The following PODN variants were observed in gnomAD, a reference collection of about 807,000 sequenced individuals.
PODN encodes the protein podocan, also known as podocan proteoglycan.
A neutral mutation model predicts 52.7 loss-of-function variants in PODN; 40 were observed. That is an observed-to-expected ratio of 0.76 (90% CI 0.59 to 0.99). The LOEUF (loss-of-function observed/expected upper bound fraction) is 0.99, where lower values mean the gene tolerates loss of function less well. PODN is among the 50% of genes least tolerant of loss of function. PODN has a pLI of 0.00. For synonymous variants in PODN, 396 were observed against 377.9 expected (o/e 1.05, Z -0.56); for missense variants, 720 against 815.1 (o/e 0.88, Z 1.42).
At chr1:53,063,160 G>A (rs1048798580) in intron 1 of PODN, among the ~76,000 whole-genome samples, 1 of 152,182 alleles carries the variant, frequency 6.6e-6, no homozygotes, top group Non-Finnish European at 1.5e-5. Context: ...GTGGTGGCGG[G>A]GCTGCGAGGC....
intron 5 of PODN, among the ~76,000 whole-genome samples, chr1:53,076,634 C>T (rs1306980771): frequency 6.6e-6 from 1 of 151,918 alleles, no homozygotes; most frequent in African/African-American, 2.4e-5. Flanking sequence ...TCTGGCATCT[C>T]ATATATATAT....
chr1:53,080,799 C>T lies in PODN; in HGVS notation c.1584C>T (p.Tyr528=), dbSNP rs1557658461. 6.2e-7 allele frequency: 1 copy of T among 1,614,136 alleles called. No individual in the cohort carries two copies. Residue 528 remains tyrosine (Y), a synonymous_variant, in exon 9 of 11, where the codon TAC becomes TAT. Transcript: ENST00000312553. The part of the protein sequence containing the change: ...EGLPESLEYL[Y]LQNNKISAVP... ...TCCCCGAGTCACTTGAGTACCTGTA[C>T]CTGCAGAACAACAAGATTAGTGCGG...
chr1:53,074,564 T>G, intron 3 of PODN, 42 bp from the exon 4 acceptor site: 2 of 1,610,730 alleles, frequency 1.2e-6, no homozygotes, highest in Non-Finnish European at 1.7e-6. Context: ...CCCTGTGGCG[T>G]CTCCTCCATC....
At chr1:53,065,843 A>G (rs1186742667) in intron 1 of PODN, among the ~76,000 whole-genome samples, 2 of 152,118 alleles carry the variant, frequency 1.3e-5, no homozygotes, top group East Asian at 1.9e-4. Context: ...CCTTGCTTGT[A>G]TGACCCTTTC....
intron 10 of PODN, among the ~76,000 whole-genome samples, chr1:53,082,854 T>C (rs1024383173): frequency 1.3e-5 from 2 of 152,238 alleles, no homozygotes; most frequent in Middle Eastern, 3.4e-3. Context: ...ACTATGTACA[T>C]ACGTGCACAC....
At chr1:53,081,173 G>T (rs1644290080) in intron 9 of PODN, among the ~76,000 whole-genome samples, 1 of 152,250 alleles carries the variant, frequency 6.6e-6, no homozygotes, top group Non-Finnish European at 1.5e-5. Flanking sequence ...TGAGAGCACA[G>T]GTGACTGCTG....
At position 53,080,889 on chromosome 1, in the gene PODN, T is replaced by C. The variant is rs757702555; in HGVS notation, c.1661+13T>C. On this transcript the variant is annotated intron_variant, in intron 9 of 10. Coordinates refer to ENST00000312553, the MANE Select transcript of PODN (RefSeq NM_153703.5). ...GGATCTTTCTCAGGTAGGAGCCCACTCGCGGCCCTGTACACACCCCCGTGG... is the reference window on the plus strand; with the variant it reads ...GGATCTTTCTCAGGTAGGAGCCCACCCGCGGCCCTGTACACACCCCCGTGG... The C allele has an allele frequency of 1.9e-6, 3 of 1,613,480 alleles. No homozygotes were observed. The South Asian group carries it at 3.3e-5, about 18-fold the overall frequency.
intron 5 of PODN, among the ~76,000 whole-genome samples, chr1:53,076,684 A>G (rs1644199392): frequency 6.6e-6 from 1 of 150,884 alleles, no homozygotes; most frequent in African/African-American, 2.4e-5. Context: ...ATATATCTCT[A>G]TTTAATATAT....
chr1:53,081,400 G>A (rs947380697), intron 9 of PODN, among the ~76,000 whole-genome samples: 1 of 152,244 alleles, frequency 6.6e-6, no homozygotes, highest in Admixed American at 6.5e-5. Flanking sequence ...AGACAAGGCA[G>A]AGATGAGTGT....
intron 1 of PODN, among the ~76,000 whole-genome samples, chr1:53,067,492 G>A (rs964667192): frequency 6.6e-6 from 1 of 152,118 alleles, no homozygotes; most frequent in African/African-American, 2.4e-5. Flanking sequence ...TCAGAGAACT[G>A]GGTGAACCAC....
chr1:53,071,425 T>G (rs756749244), intron 2 of PODN, 110 bp from the exon 3 acceptor site: 229 of 910,650 alleles, frequency 2.5e-4, no homozygotes, highest in Non-Finnish European at 3.5e-4. Context: ...CCAAGGGAGG[T>G]GCCCAGCAGG....
Position 53,074,214 on chromosome 1 carries a change from C to A in PODN, c.407-392C>A, listed in dbSNP as rs536636933. On this transcript the variant is annotated intron_variant, in intron 3 of 10. Transcript: ENST00000312553. Reference sequence around the variant, plus strand: ...GAGGAGGCCCAGAGCCGCAGCCCCACCCTGTGTGGAGCCATTCCTGGCCCG... The same window carrying A: ...GAGGAGGCCCAGAGCCGCAGCCCCAACCTGTGTGGAGCCATTCCTGGCCCG... 2.6e-5 allele frequency among the ~76,000 whole-genome samples: 4 copies of A among 152,330 alleles called. No individual in the cohort carries two copies. In the East Asian group the frequency reaches 7.7e-4, roughly 29 times the overall value.
chr1:53,071,728 C>G (rs1644121640), intron 3 of PODN, 100 bp downstream of exon 3: 1 of 1,200,238 alleles, frequency 8.3e-7, no homozygotes, highest in Admixed American at 2.3e-5. Context: ...CCCTGCGGAT[C>G]TTGGGGTGTG....
rs1273883623 is a variant in PODN, at chr1:53,079,016, T to C, written c.1506T>C (p.His502=). Residue 502 remains histidine (H), a synonymous_variant, in exon 8 of 11, where the codon CAT becomes CAC. Transcript: ENST00000312553. ...LGPRAWVDLA[H]LQLLDIAGNQ... is the part of the protein sequence containing the mutation. ...CCCGTGCCTGGGTGGACCTCGCCCA[T>C]CTGCAGGTAAGCGGAAGGGAGGGGG... 5 of 1,546,068 alleles carry C rather than the reference T, an allele frequency of 3.2e-6. No individual in the cohort carries two copies. Among genetic ancestry groups the C allele is most frequent in the Non-Finnish European group, 3.5e-6 (4 of 1,144,504 alleles).
Position 53,071,567 on chromosome 1 carries a change from G to C in PODN, c.345G>C (p.Glu115Asp), listed in dbSNP as rs199958642. The change falls in exon 3 of 11, where the codon GAG becomes GAC. Residue 115 changes from glutamate (E) to aspartate (D), a missense_variant. Transcript: ENST00000312553. ...AGCTGGAAAAGATCTACCCTGAGGA[G>C]CTCTCCCGGCTGCACCGGCTGGAGA... ...NNQLEKIYPE[E>D]LSRLHRLETL... The C allele has an allele frequency of 2.5e-5, 40 of 1,613,998 alleles. No homozygotes were observed. In the Admixed American group the frequency reaches 6.7e-4, roughly 27 times the overall value.
In PODN at chr1:53,078,933, G is replaced by T. The variant is rs1180644482; in HGVS notation, c.1423G>T (p.Ala475Ser). Residue 475 changes from alanine to serine, a missense_variant, in exon 8 of 11, where the codon GCT becomes TCT. Ala to Ser is a moderately conservative substitution (Grantham distance 99). Transcript: ENST00000312553. Reference sequence around the variant, plus strand: ...GGCACGAGGGGCGCTGGTGGGCATGGCTCAGCTGCGTGAGCTGTACCTCAC... The same window carrying T: ...GGCACGAGGGGCGCTGGTGGGCATGTCTCAGCTGCGTGAGCTGTACCTCAC... Reference protein sequence around the residue: ...ALARGALVGMAQLRELYLTSN... With the variant: ...ALARGALVGMSQLRELYLTSN... The T allele has an allele frequency of 6.3e-7, 1 of 1,588,788 alleles. No individual in the cohort carries two copies. Among genetic ancestry groups the T allele is most frequent in the Admixed American group, 1.8e-5 (1 of 56,416 alleles).
intron 4 of PODN, 43 bp downstream of exon 4, chr1:53,074,713 C>G: frequency 6.3e-7 from 1 of 1,583,608 alleles, no homozygotes; most frequent in Non-Finnish European, 8.6e-7. Flanking sequence ...GCCCTGTCCT[C>G]TAGGCATTGT....
intron 8 of PODN, 50 bp downstream of exon 8, chr1:53,079,072 C>T: frequency 6.8e-7 from 1 of 1,462,496 alleles, no homozygotes. Context: ...GGGGTACTGG[C>T]ATGGCTGCCC....
intron 5 of PODN, among the ~76,000 whole-genome samples, chr1:53,076,949 C>T (rs75347868): frequency 0.012 from 1,754 of 152,296 alleles, 39 homozygotes; most frequent in African/African-American, 0.04. Flanking sequence ...GGGGCCTCTG[C>T]CAGGGGTCAG....
Sources: gnomAD v4.1 joint callset for allele counts (sites outside exome capture counted in the v4.1 genomes callset) on GRCh38, gnomAD v4.1.1 for gene constraint, MANE v1.5 for transcripts, NCBI Gene and HGNC (gene_info 2026-07-23, HGNC 2026-07-21) for gene names.